Variants in CTBP2 observed in about 807,000 individuals in gnomAD.
The protein encoded by CTBP2 is C-terminal binding protein 2.
CTBP2 carries 30 observed loss-of-function variants against 80.3 expected under a neutral mutation model. The ratio of observed to expected loss-of-function variants is 0.37; its 90% CI spans 0.28 to 0.51. The LOEUF is 0.51. Among genes scored for constraint, CTBP2 ranks in the 20% least tolerant of loss-of-function variants. CTBP2 has a pLI of 0.93. For synonymous variants in CTBP2, 594 were observed against 587.4 expected (o/e 1.01, Z -0.16); for missense variants, 1,212 against 1,375.3 (o/e 0.88, Z 1.88).
At chr10:124,999,748 C>T (rs2134217947) in intron 3 of CTBP2, 1 of 152,386 alleles carries the variant, frequency 6.6e-6, no homozygotes, top group African/African-American at 2.4e-5. Flanking sequence ...AATAGCTCAG[C>T]AGAGAAGCTG....
At chr10:125,026,043 C>T (rs752730242) in intron 1 of CTBP2, 1 of 1,533,828 alleles carries the variant, frequency 6.5e-7, no homozygotes, top group African/African-American at 1.4e-5. Context: ...CCTGCTCCCC[C>T]CAGGTCCCCA....
chr10:125,069,782 TCA>T lies in CTBP2; in HGVS notation c.-101-30629_-101-30628del, dbSNP rs535210364. 1.3e-3 allele frequency among the ~76,000 whole-genome samples: 198 copies of T among 152,254 alleles called. 1 individual carries two copies. The highest frequency in any genetic ancestry group is 2.3e-3 in the Non-Finnish European group (154 of 68,016). On this transcript the variant is annotated intron_variant, in intron 2 of 10. Coordinates refer to the CTBP2 transcript ENST00000337195. Reference sequence around the variant, plus strand: ...AGAGTCTCCCCTTTAATGGAGGTTCTCACAGAGTATTTTGTTGTTTCCCTACT... The same window carrying T: ...AGAGTCTCCCCTTTAATGGAGGTTCTCAGAGTATTTTGTTGTTTCCCTACT...
chr10:125,134,676 C>T (rs557817137), intron 1 of CTBP2, among the ~76,000 whole-genome samples: 3 of 152,228 alleles, frequency 2.0e-5, no homozygotes, highest in African/African-American at 4.8e-5. Context: ...CGCGGGAGGA[C>T]GAAGAGAACC....
intron 1 of CTBP2, among the ~76,000 whole-genome samples, chr10:125,146,485 G>A (rs1034749426): frequency 6.6e-6 from 1 of 152,060 alleles, no homozygotes; most frequent in African/African-American, 2.4e-5. Flanking sequence ...TTTTTGCCAT[G>A]TTGGCCAGGC....
intron 2 of CTBP2, chr10:125,088,266 G>C (rs1266310161): frequency 1.3e-5 from 2 of 152,374 alleles, no homozygotes; most frequent in African/African-American, 2.4e-5. Context: ...AGTAACAACA[G>C]AACCAGGATA....
intron 2 of CTBP2, among the ~76,000 whole-genome samples, chr10:125,051,624 A>C (rs908952075): frequency 2.0e-5 from 3 of 151,456 alleles, no homozygotes; most frequent in Admixed American, 2.0e-4. Context: ...TGGGCAACAG[A>C]GTGAGACTCT....
At chr10:125,062,226 G>A (rs1378573533) in intron 2 of CTBP2, among the ~76,000 whole-genome samples, 1 of 150,604 alleles carries the variant, frequency 6.6e-6, no homozygotes, top group African/African-American at 2.4e-5. Context: ...CTAGAAAGAG[G>A]TGCCCCTGAA....
chr10:125,075,471 A>T (rs868629174), intron 2 of CTBP2, among the ~76,000 whole-genome samples: 3 of 152,286 alleles, frequency 2.0e-5, no homozygotes, highest in Middle Eastern at 3.4e-3. Flanking sequence ...ATGACACACC[A>T]AGAAGACCCT....
intron 1 of CTBP2, among the ~76,000 whole-genome samples, chr10:125,135,800 T>C (rs985469006): frequency 6.6e-6 from 1 of 152,202 alleles, no homozygotes; most frequent in Non-Finnish European, 1.5e-5. Flanking sequence ...GCCCCTGTGC[T>C]GCTCTCCTGC....
At chr10:125,041,287 T>G (rs1165906329) in intron 2 of CTBP2, among the ~76,000 whole-genome samples, 7 of 152,190 alleles carry the variant, frequency 4.6e-5, no homozygotes, top group Non-Finnish European at 8.8e-5. Context: ...CACACCATGT[T>G]GCCCAGACTG....
chr10:124,989,220 A>G lies in CTBP2; in HGVS notation c.*298T>C. On this transcript the variant is annotated 3_prime_UTR_variant, in exon 9 of 9. Transcript: ENST00000309035. ...GTTCAGGACCTGCTGTGCCCAAGGG[A>G]CTGATAAAGGAAAAAGCTCTATTTA... 2.6e-6 allele frequency: 1 copy of G among 385,942 alleles called. No individual in the cohort carries two copies. The highest frequency in any genetic ancestry group is 2.2e-5 in the South Asian group (1 of 44,810). The allele number at this position is 385,942 out of a possible 1,614,324, so 23.9% of individuals were successfully genotyped here.
chr10:125,142,340 A>C (rs1352957525), intron 1 of CTBP2, among the ~76,000 whole-genome samples: 1 of 152,056 alleles, frequency 6.6e-6, no homozygotes, highest in East Asian at 1.9e-4. Flanking sequence ...GCTCATGCAT[A>C]ATCCTTGGAT....
Position 125,027,537 on chromosome 10 carries a change from CG to C in CTBP2, c.222del (p.Val75PhefsTer24). The stretch of plus-strand genomic sequence containing the variant: ...TTTCTTGCAGCCACTGAGTTATAAA[CG>C]GCCTCCCGGTACAGGTAGGGCTCGG... On this transcript the variant is annotated frameshift_variant, in exon 1 of 9. Transcript: ENST00000309035. LOFTEE classifies it high-confidence loss of function. 4 of 1,614,166 alleles carry C rather than the reference CG, an allele frequency of 2.5e-6. No individual in the cohort carries two copies. The highest frequency in any genetic ancestry group is 3.4e-6 in the Non-Finnish European group (4 of 1,180,034).
At chr10:125,002,386 C>G (rs1417607120) in intron 3 of CTBP2, among the ~76,000 whole-genome samples, 2 of 152,240 alleles carry the variant, frequency 1.3e-5, no homozygotes, top group African/African-American at 4.8e-5. Context: ...TTTGAAGCCC[C>G]CAACTCTGGG....
chr10:125,092,995 C>T (rs183770910), intron 2 of CTBP2, among the ~76,000 whole-genome samples: 9 of 152,218 alleles, frequency 5.9e-5, no homozygotes, highest in South Asian at 2.1e-4. Context: ...CCAACCGTTA[C>T]GTGGTGCTTG....
Position 125,027,957 on chromosome 10 carries a change from C to A in CTBP2, c.-198G>T. The A allele has an allele frequency of 7.2e-7, 1 of 1,388,864 alleles. No homozygotes were observed. Among genetic ancestry groups the A allele is most frequent in the Non-Finnish European group, 9.3e-7 (1 of 1,071,740 alleles). The allele number at this position is 1,388,864 out of a possible 1,614,324, so 86.0% of individuals were successfully genotyped here. A position where few individuals can be genotyped will look rare whatever the true frequency, so the allele number is the denominator to read the frequency against. On this transcript the variant is annotated 5_prime_UTR_variant, in exon 1 of 9. Transcript: ENST00000309035. ...CTTAGCAGACAAAACATAAGACTCA[C>A]GGTAACTTTGCCTCACTCCCCAACG...
chr10:125,111,766 G>T (rs957798645), intron 1 of CTBP2, among the ~76,000 whole-genome samples: 2 of 152,306 alleles, frequency 1.3e-5, no homozygotes, highest in Middle Eastern at 6.8e-3. Flanking sequence ...CACATCATCC[G>T]AACTACTTCC....
rs190533542 is a variant in CTBP2, at chr10:125,105,929, C to A, written c.-102+5061G>T. Among the ~76,000 whole-genome samples the A allele has an allele frequency of 1.0e-3, 152 of 152,340 alleles. 1 individual carries two copies. The highest frequency in any genetic ancestry group is 3.2e-3 in the African/African-American group (135 of 41,572). ...ACTTGACAGTAAACACAATGCACCA[C>A]CACTCCCTTCAACAAGTGAGGCTCT... is the stretch of plus-strand genomic sequence containing the variant. On this transcript the variant is annotated intron_variant, in intron 2 of 10. Transcript: ENST00000337195.
At chr10:125,106,012 C>G (rs370677517) in intron 2 of CTBP2, among the ~76,000 whole-genome samples, 4 of 152,174 alleles carry the variant, frequency 2.6e-5, no homozygotes, top group African/African-American at 9.7e-5. Context: ...AACAAACACA[C>G]GCTCCAAGCC....
Sources: gnomAD v4.1 joint callset for allele counts (sites outside exome capture counted in the v4.1 genomes callset) on GRCh38, gnomAD v4.1.1 for gene constraint, MANE v1.5 for transcripts, NCBI Gene and HGNC (gene_info 2026-07-23, HGNC 2026-07-21) for gene names.